Variants in MGAT4C observed in about 807,000 individuals in gnomAD.
MGAT4C encodes the protein MGAT4 family member C.
A neutral mutation model predicts 40.1 loss-of-function variants in MGAT4C; 19 were observed. The ratio of observed to expected loss-of-function variants is 0.47; its 90% CI spans 0.33 to 0.70. The LOEUF (loss-of-function observed/expected upper bound fraction) is 0.70, where lower values mean the gene tolerates loss of function less well. MGAT4C is among the 30% of genes least tolerant of loss of function. The pLI, the probability that MGAT4C is intolerant of heterozygous loss-of-function variation, is 0.02. For synonymous variants in MGAT4C, 181 were observed against 187.1 expected (o/e 0.97, Z 0.27); for missense variants, 491 against 563.2 (o/e 0.87, Z 1.30).
At chr12:86,347,933 T>G (rs1955076231) in intron 3 of MGAT4C, among the ~76,000 whole-genome samples, 1 of 152,198 alleles carries the variant, frequency 6.6e-6, no homozygotes. Flanking sequence ...TCTGTAACAA[T>G]GTGCCTTCCT....
intron 1 of MGAT4C, among the ~76,000 whole-genome samples, chr12:86,080,078 T>A (rs1870542097): frequency 6.6e-6 from 1 of 152,138 alleles, no homozygotes; most frequent in Admixed American, 6.6e-5. Context: ...ATAGCTAAGA[T>A]TCCCTCACCA....
intron 1 of MGAT4C, among the ~76,000 whole-genome samples, chr12:86,798,139 A>C (rs1235665498): frequency 2.6e-5 from 4 of 151,900 alleles, no homozygotes; most frequent in Non-Finnish European, 5.9e-5. Context: ...AACTGACCAG[A>C]TCCTTTCCAT....
intron 2 of MGAT4C, among the ~76,000 whole-genome samples, chr12:86,483,978 A>C (rs1361847403): frequency 6.6e-6 from 1 of 151,846 alleles, no homozygotes; most frequent in Non-Finnish European, 1.5e-5. Context: ...CTAAAGAGCA[A>C]AAAAGCATGA....
intron 2 of MGAT4C, among the ~76,000 whole-genome samples, chr12:86,664,234 C>A (rs1272675493): frequency 6.6e-6 from 1 of 150,774 alleles, no homozygotes; most frequent in Admixed American, 6.6e-5. Context: ...TTTTCTTTCT[C>A]TTTTATACTA....
chr12:86,603,576 AATAT>A (rs1961903704), intron 2 of MGAT4C, among the ~76,000 whole-genome samples: 2 of 121,416 alleles, frequency 1.6e-5, no homozygotes, highest in African/African-American at 3.2e-5. Context: ...GACTATAGAT[AATAT>A]ATAGTCATAT....
At position 86,042,220 on chromosome 12, in the gene MGAT4C, T is replaced by C. The variant is rs536608461; in HGVS notation, c.-7+7454A>G. On this transcript the variant is annotated intron_variant, in intron 2 of 4. Coordinates refer to ENST00000611864, the MANE Select transcript of MGAT4C (RefSeq NM_001351288.2). ...TGGATGACACTGTATGAGAGATGAG[T>C]TTCTTGAAGACAGCATATCATTGGG... Among the ~76,000 whole-genome samples the C allele has an allele frequency of 5.8e-4, 88 of 152,278 alleles. 1 individual carries two copies. The highest frequency in any genetic ancestry group is 2.1e-3 in the African/African-American group (87 of 41,550).
chr12:86,576,605 A>G (rs1960567837), intron 2 of MGAT4C, among the ~76,000 whole-genome samples: 1 of 151,912 alleles, frequency 6.6e-6, no homozygotes, highest in African/African-American at 2.4e-5. Flanking sequence ...TGTTCTTGCC[A>G]GCTTTGTCAA....
intron 1 of MGAT4C, among the ~76,000 whole-genome samples, chr12:86,093,776 C>T (rs1374390653): frequency 1.3e-5 from 2 of 150,180 alleles, no homozygotes; most frequent in Non-Finnish European, 3.0e-5. Context: ...ACAACAACAC[C>T]TACAAGGCCC....
chr12:86,614,753 C>A (rs1962395857), intron 2 of MGAT4C, among the ~76,000 whole-genome samples: 2 of 151,806 alleles, frequency 1.3e-5, no homozygotes, highest in African/African-American at 4.8e-5. Flanking sequence ...TTGATGCAGT[C>A]CATAGGTCCA....
chr12:86,682,756 T>C (rs1950004844), intron 2 of MGAT4C, among the ~76,000 whole-genome samples: 1 of 152,064 alleles, frequency 6.6e-6, no homozygotes, highest in Middle Eastern at 3.2e-3. Context: ...GCCCATGGCC[T>C]TCAAGGACAA....
intron 1 of MGAT4C, among the ~76,000 whole-genome samples, chr12:86,811,631 C>T (rs575586383): frequency 2.6e-5 from 4 of 151,436 alleles, no homozygotes; most frequent in African/African-American, 4.8e-5. Context: ...CATGACCCAA[C>T]GTGCCCAGCC....
At chr12:86,201,121 ACTTTT>A (rs955330884) in intron 1 of MGAT4C, among the ~76,000 whole-genome samples, 1 of 152,206 alleles carries the variant, frequency 6.6e-6, no homozygotes, top group African/African-American at 2.4e-5. Context: ...TTTAGCAAAT[ACTTTT>A]CTTTTAGGCT....
At chr12:86,086,939 T>C (rs909449397) in intron 1 of MGAT4C, among the ~76,000 whole-genome samples, 10 of 152,132 alleles carry the variant, frequency 6.6e-5, no homozygotes, top group Non-Finnish European at 1.2e-4. Context: ...TTCCTATGCC[T>C]GGTTTGATTC....
At chr12:86,752,962 T>A (rs1383895708) in intron 1 of MGAT4C, among the ~76,000 whole-genome samples, 1 of 152,118 alleles carries the variant, frequency 6.6e-6, no homozygotes, top group Non-Finnish European at 1.5e-5. Context: ...AGAGGAAACA[T>A]GGGAAAGAAC....
At chr12:86,831,072 C>A (rs1176246163) in intron 1 of MGAT4C, among the ~76,000 whole-genome samples, 1 of 151,712 alleles carries the variant, frequency 6.6e-6, no homozygotes, top group East Asian at 1.9e-4. Context: ...TTTTCAAGAT[C>A]CAGCCCACCC....
intron 2 of MGAT4C, among the ~76,000 whole-genome samples, chr12:86,518,116 A>G (rs1362458075): frequency 1.3e-5 from 2 of 152,142 alleles, no homozygotes; most frequent in Non-Finnish European, 2.9e-5. Context: ...TGTCAAATAA[A>G]CCATTAAAAT....
intron 1 of MGAT4C, among the ~76,000 whole-genome samples, chr12:86,070,636 G>C (rs1160869860): frequency 6.6e-6 from 1 of 151,968 alleles, no homozygotes; most frequent in Non-Finnish European, 1.5e-5. Flanking sequence ...TTTTTAATGA[G>C]CTGGGATTTC....
rs755645618 is a variant in MGAT4C at position 86,037,929 on chromosome 12, G to A, written c.-7+11745C>T. 1.0e-4 allele frequency among the ~76,000 whole-genome samples: 15 copies of A among 148,984 alleles called. 1 individual carries two copies. The highest frequency in any genetic ancestry group is 2.3e-4 in the Non-Finnish European group (15 of 66,364). The stretch of plus-strand genomic sequence containing the variant: ...ACTATTATTGTGTGGGAGTCTAAGC[G>A]TTGGGGTGATCAGACCCAACACCAG... On this transcript the variant is annotated intron_variant, in intron 2 of 4. Coordinates refer to ENST00000611864, the MANE Select transcript of MGAT4C (RefSeq NM_001351288.2).
At chr12:86,488,485 G>T (rs1259013603) in intron 2 of MGAT4C, among the ~76,000 whole-genome samples, 1 of 151,436 alleles carries the variant, frequency 6.6e-6, no homozygotes, top group East Asian at 1.9e-4. Context: ...ATTTATCTAA[G>T]GCAGATACCT....
Sources: allele counts gnomAD v4.1 joint callset (sites outside exome capture counted in the v4.1 genomes callset), GRCh38; gene constraint gnomAD v4.1.1; transcripts MANE v1.5; gene names NCBI Gene and HGNC (gene_info 2026-07-23, HGNC 2026-07-21).